The following ARFGEF3 variants were observed in gnomAD, a reference collection of about 807,000 sequenced individuals.
ARFGEF3 encodes the protein ARFGEF family member 3.
A neutral mutation model predicts 221.7 loss-of-function variants in ARFGEF3; 96 were observed. The observed-to-expected ratio is 0.43, with a 90% CI of 0.37 to 0.51. ARFGEF3 has a LOEUF of 0.51. ARFGEF3 is among the 20% of genes least tolerant of loss of function. The probability of loss-of-function intolerance (pLI) is 0.00; values close to 1 mark genes in which losing one functional copy is unlikely to be tolerated. For missense variants in ARFGEF3, 2,410 were observed against 2,789.9 expected (o/e 0.86, Z 3.07); for synonymous variants, 1,145 against 1,126.8 (o/e 1.02, Z -0.32).
Position 138,317,167 on chromosome 6 carries a change from T to C in ARFGEF3, c.4346-84T>C, listed in dbSNP as rs923445548. Reference sequence around the variant, plus strand: ...CACGTCTGTATAGCACTTGGCAGTTTACATACAATGTTTAATTGGATCTTG... The same window carrying C: ...CACGTCTGTATAGCACTTGGCAGTTCACATACAATGTTTAATTGGATCTTG... On this transcript the variant is annotated intron_variant, in intron 26 of 33. Transcript: ENST00000251691. 15 of 1,479,460 alleles carry C rather than the reference T, an allele frequency of 1.0e-5. No individual in the cohort carries two copies. The African/African-American group carries it at 1.8e-4, about 18-fold the overall frequency. 91.6% of individuals were successfully genotyped at this position (1,479,460 alleles called of 1,614,324 possible).
At chr6:138,269,669 A>G (rs999223795) in intron 12 of ARFGEF3, among the ~76,000 whole-genome samples, 1 of 152,024 alleles carries the variant, frequency 6.6e-6, no homozygotes, top group Non-Finnish European at 1.5e-5. Flanking sequence ...TTAGCCGGGC[A>G]TGGTGGTGCG....
At position 138,335,164 on chromosome 6, in the gene ARFGEF3, G is replaced by C; in HGVS notation, c.6318G>C (p.Val2106=). ...GSTGSSLSVS[V]RDAEAQIQAW... ...CCGGGAGCTCCCTCAGTGTCTCGGTGAGAGACGCAGAAGCACAGATCCAGG... is the reference window on the plus strand; with the variant it reads ...CCGGGAGCTCCCTCAGTGTCTCGGTCAGAGACGCAGAAGCACAGATCCAGG... The change falls in exon 33 of 34, where the codon GTG becomes GTC. Residue 2106 remains valine (V), a synonymous_variant. Transcript: ENST00000251691. 3.2e-6 allele frequency: 5 copies of C among 1,559,236 alleles called. No homozygotes were observed. Among genetic ancestry groups the C allele is most frequent in the Non-Finnish European group, 4.3e-6 (5 of 1,159,950 alleles).
At position 138,334,709 on chromosome 6, in the gene ARFGEF3, T is replaced by C. The variant is rs1467379681; in HGVS notation, c.5863T>C (p.Phe1955Leu). 6.2e-7 allele frequency: 1 copy of C among 1,610,148 alleles called. No individual in the cohort carries two copies. Among genetic ancestry groups the C allele is most frequent in the African/African-American group, 1.3e-5 (1 of 74,824 alleles). Residue 1955 changes from phenylalanine (F) to leucine (L), a missense_variant, in exon 33 of 34, where the codon TTC becomes CTC. Physicochemically the swap from Phe to Leu is conservative, Grantham distance 22. Coordinates refer to ENST00000251691, the MANE Select transcript of ARFGEF3 (RefSeq NM_020340.5). The surrounding 1 kb of genome is among the most constrained non-coding windows in gnomAD (Gnocchi z 5.1). ...GTCATCCACCCCATCCACCGGGGGCTTCTCTGGGAAAGAAACCCCTTCCGA... is the reference window on the plus strand; with the variant it reads ...GTCATCCACCCCATCCACCGGGGGCCTCTCTGGGAAAGAAACCCCTTCCGA... ...SESSTPSTGG[F>L]SGKETPSEDD...
intron 18 of ARFGEF3, among the ~76,000 whole-genome samples, chr6:138,290,328 C>T (rs983728599): frequency 3.0e-4 from 46 of 152,176 alleles, no homozygotes; most frequent in African/African-American, 1.1e-3. Context: ...TATTACATTG[C>T]TATATGTTTA....
At chr6:138,277,077 G>A (rs1021556106) in intron 12 of ARFGEF3, among the ~76,000 whole-genome samples, 10 of 152,166 alleles carry the variant, frequency 6.6e-5, no homozygotes, top group Admixed American at 5.9e-4. Flanking sequence ...GGTACTAATT[G>A]TATTCACAGT....
rs768218933 is a variant in ARFGEF3, at chr6:138,242,946, T to C, written c.544-6T>C. ...CCTAATTGTGTGTGTGTATCTCCCT[T>C]ACTAGATAATTGAAAACCCAGATGT... On this transcript the variant is annotated splice_region_variant and splice_polypyrimidine_tract_variant and intron_variant, in intron 6 of 33. Coordinates refer to ENST00000251691, the MANE Select transcript of ARFGEF3 (RefSeq NM_020340.5). 6.2e-7 allele frequency: 1 copy of C among 1,609,214 alleles called. No individual in the cohort carries two copies. Among genetic ancestry groups the C allele is most frequent in the East Asian group, 2.2e-5 (1 of 44,848 alleles).
chr6:138,334,895 G>A lies in ARFGEF3; in HGVS notation c.6049G>A (p.Ala2017Thr). The stretch of plus-strand genomic sequence containing the variant: ...TGCGGGGAACAAAATCTACACCATG[G>A]CAGCCGACAAGACCATTTCAAAGTT... ...ENAGNKIYTM[A>T]ADKTISKLMT... Residue 2017 changes from alanine (A) to threonine (T), a missense_variant, in exon 33 of 34, where the codon GCA becomes ACA. Ala to Thr is a moderately conservative substitution (Grantham distance 58). This residue lies in a region of ARFGEF3 where 339 missense variants were observed against 334.9 expected (regional missense o/e 1.01). Coordinates refer to ENST00000251691, the MANE Select transcript of ARFGEF3 (RefSeq NM_020340.5). The surrounding 1 kb of genome is among the most constrained non-coding windows in gnomAD (Gnocchi z 5.1). 1 of 1,591,692 alleles carries A rather than the reference G, an allele frequency of 6.3e-7. No homozygotes were observed. The highest frequency in any genetic ancestry group is 8.5e-7 in the Non-Finnish European group (1 of 1,169,822).
At chr6:138,302,813 A>G (rs1779650302) in intron 22 of ARFGEF3, among the ~76,000 whole-genome samples, 1 of 152,232 alleles carries the variant, frequency 6.6e-6, no homozygotes, top group Admixed American at 6.5e-5. Flanking sequence ...AAAAATGAAG[A>G]TGACATAAAA....
rs540521471 is a variant in ARFGEF3, at chr6:138,298,413, C to T, written c.3649-193C>T. The stretch of plus-strand genomic sequence containing the variant: ...CATTAACATGAAATTGAGGTTGTAC[C>T]TGATAAGCTGGTTGAATTGTTAAAA... On this transcript the variant is annotated intron_variant, in intron 21 of 33. Transcript: ENST00000251691. 4.6e-5 allele frequency among the ~76,000 whole-genome samples: 7 copies of T among 152,284 alleles called. No individual in the cohort carries two copies. The South Asian group carries it at 6.2e-4, about 14-fold the overall frequency.
intron 2 of ARFGEF3, among the ~76,000 whole-genome samples, chr6:138,182,381 T>G (rs1162876319): frequency 6.6e-6 from 1 of 152,216 alleles, no homozygotes; most frequent in East Asian, 1.9e-4. Flanking sequence ...CTAGAAAACC[T>G]GCTATATTTC....
Position 138,286,992 on chromosome 6 carries a change from G to A in ARFGEF3, c.2785+76G>A. 3.8e-6 allele frequency: 6 copies of A among 1,578,098 alleles called. No homozygotes were observed. In the South Asian group the frequency reaches 6.8e-5, roughly 18 times the overall value. ...GAATGACCCAGCAGGGTGGGGCAGG[G>A]GGACCCTTTAGAAGGGGTTCTGCTA... On this transcript the variant is annotated intron_variant, in intron 16 of 33. Transcript: ENST00000251691.
Position 138,253,888 on chromosome 6 carries a change from A to T in ARFGEF3, c.674A>T (p.Gln225Leu). Residue 225 changes from glutamine (Q) to leucine (L), a missense_variant, in exon 9 of 34, where the codon CAG (glutamine) becomes CTG (leucine). By Grantham distance (113) the Gln-to-Leu change is moderately radical (BLOSUM62 -2). Transcript: ENST00000251691. ...EKLQAAINDS[Q>L]QLQLLYLECI... ...GTTCTGCTCTTCTGCAGTGACAGCC[A>T]GCAGCTGCAGCTTCTCTACCTGGAG... The T allele has an allele frequency of 6.3e-7, 1 of 1,579,648 alleles. No homozygotes were observed. The highest frequency in any genetic ancestry group is 8.6e-7 in the Non-Finnish European group (1 of 1,162,408).
At chr6:138,176,636 G>A (rs925419520) in intron 2 of ARFGEF3, among the ~76,000 whole-genome samples, 1 of 151,710 alleles carries the variant, frequency 6.6e-6, no homozygotes, top group Non-Finnish European at 1.5e-5. Context: ...CTGTCTCTGT[G>A]GTTTGGTGGA....
At chr6:138,217,820 T>G in intron 4 of ARFGEF3, 1 of 942,920 alleles carries the variant, frequency 1.1e-6, no homozygotes, top group Non-Finnish European at 1.5e-6. Flanking sequence ...AACATGGGTT[T>G]GTATTTTAGA....
Position 138,340,526 on chromosome 6 carries a change from C to T in ARFGEF3, c.*4040C>T, listed in dbSNP as rs117840032. 1.8e-4 allele frequency: 28 copies of T among 152,250 alleles called. No homozygotes were observed. The East Asian group carries it at 5.4e-3, about 29-fold the overall frequency. The allele number at this position is 152,250 out of a possible 1,614,324, so 9.4% of individuals were successfully genotyped here. ...CCATCAAGCCAAACAGAATGAAGAC[C>T]TTTGATAGTAATAGCAAGAGGTTAC... On this transcript the variant is annotated 3_prime_UTR_variant, in exon 34 of 34. Transcript: ENST00000251691.
chr6:138,266,847 T>TAAAAAAAAAAAA (rs1778903964), intron 12 of ARFGEF3, among the ~76,000 whole-genome samples: 1 of 33,252 alleles, frequency 3.0e-5, no homozygotes, highest in Non-Finnish European at 4.4e-5. Flanking sequence ...AGACTCCATC[T>TAAAAAAAAAAAA]CAAAAAAAAA....
intron 22 of ARFGEF3, among the ~76,000 whole-genome samples, chr6:138,303,110 G>A (rs1441704168): frequency 6.6e-6 from 1 of 152,194 alleles, no homozygotes; most frequent in African/African-American, 2.4e-5. Flanking sequence ...GGAGGGATGG[G>A]AAATGGAGCT....
At chr6:138,311,602 G>A (rs1779833126) in intron 25 of ARFGEF3, 92 bp downstream of exon 25, 5 of 815,918 alleles carry the variant, frequency 6.1e-6, no homozygotes, top group East Asian at 2.7e-5. Context: ...GCTGAAGCCC[G>A]AGAGAGACAC....
chr6:138,293,501 G>T (rs923966486), intron 19 of ARFGEF3, among the ~76,000 whole-genome samples: 1 of 152,196 alleles, frequency 6.6e-6, no homozygotes, highest in Admixed American at 6.5e-5. Flanking sequence ...GGGTGTGTAT[G>T]AGGCCAGTCC....
Sources: allele counts gnomAD v4.1 joint callset (sites outside exome capture counted in the v4.1 genomes callset), GRCh38; gene constraint gnomAD v4.1.1; regional missense constraint gnomAD v4.1.1; non-coding constraint Gnocchi (gnomAD v3.1); transcripts MANE v1.5; gene names NCBI Gene and HGNC (gene_info 2026-07-23, HGNC 2026-07-21).